The following GABRG3 variants were observed in gnomAD, a reference collection of about 807,000 sequenced individuals.
GABRG3 encodes the protein gamma-aminobutyric acid type A receptor subunit gamma3, also known as gamma-aminobutyric acid receptor subunit gamma-3.
Under a neutral mutation model 48.8 loss-of-function variants are expected in GABRG3, and 25 were observed. That is an observed-to-expected ratio of 0.51 (90% CI 0.37 to 0.72). The LOEUF (loss-of-function observed/expected upper bound fraction) is 0.72. Ranked by LOEUF, GABRG3 falls within the 30% of genes least tolerant of loss-of-function variation. The pLI is 0.00. For synonymous variants in GABRG3, 227 were observed against 217.6 expected (o/e 1.04, Z -0.38); for missense variants, 394 against 577.9 (o/e 0.68, Z 3.26).
chr15:26,986,859 A>G (rs1238894319), intron 2 of GABRG3, among the ~76,000 whole-genome samples: 3 of 152,176 alleles, frequency 2.0e-5, no homozygotes, highest in African/African-American at 7.2e-5. Flanking sequence ...TTTGAGTGAG[A>G]AAAGATCTGG....
chr15:27,476,001 A>G (rs994006500), intron 5 of GABRG3, among the ~76,000 whole-genome samples: 3 of 152,204 alleles, frequency 2.0e-5, no homozygotes, highest in Non-Finnish European at 4.4e-5. Flanking sequence ...TGACCACTAC[A>G]TTATAATGAA....
At chr15:27,378,922 G>A (rs556491443) in intron 5 of GABRG3, among the ~76,000 whole-genome samples, 22 of 147,292 alleles carry the variant, frequency 1.5e-4, no homozygotes, top group Non-Finnish European at 2.8e-4. Context: ...GCCCTCAGCG[G>A]AAAGAACAAA....
chr15:27,435,143 C>A (rs546253437), intron 5 of GABRG3, among the ~76,000 whole-genome samples: 8 of 151,484 alleles, frequency 5.3e-5, no homozygotes, highest in South Asian at 2.1e-4. Context: ...TCTTCCCCAT[C>A]ACCCTATATA....
At chr15:27,132,489 T>G (rs1010199124) in intron 3 of GABRG3, among the ~76,000 whole-genome samples, 2 of 147,184 alleles carry the variant, frequency 1.4e-5, no homozygotes, top group Non-Finnish European at 3.0e-5. Flanking sequence ...TTTTTTTTTT[T>G]TTTTTTTTTT....
chr15:27,164,399 A>G (rs779110950), intron 3 of GABRG3, among the ~76,000 whole-genome samples: 2 of 152,232 alleles, frequency 1.3e-5, no homozygotes, highest in Non-Finnish European at 2.9e-5. Context: ...CAAAAATACT[A>G]CTACCCCTAA....
rs1189224237 is a variant in GABRG3 at position 26,975,328 on chromosome 15, A to C, written c.54-1674A>C. On this transcript the variant is annotated intron_variant, in intron 1 of 9. Coordinates refer to ENST00000615808, the MANE Select transcript of GABRG3 (RefSeq NM_033223.5). This position sits in a 1 kb window ranked among gnomAD's most constrained non-coding sequence, Gnocchi z 4.6. ...TATCGATCGTGAATATCCAATGTGC[A>C]TAAAAATCAACAGCAATTTATAGTT... Among the ~76,000 whole-genome samples, 1 of 152,244 alleles carries C rather than the reference A, an allele frequency of 6.6e-6. No homozygotes were observed. Among genetic ancestry groups the C allele is most frequent in the Non-Finnish European group, 1.5e-5 (1 of 68,044 alleles).
chr15:27,271,464 C>T (rs954459471), intron 3 of GABRG3: 8 of 440,968 alleles, frequency 1.8e-5, no homozygotes, highest in Admixed American at 9.8e-5. Flanking sequence ...ACCACGCCCT[C>T]GGAGCTCAGG....
chr15:27,171,455 A>G (rs939340615), intron 3 of GABRG3, among the ~76,000 whole-genome samples: 2 of 151,460 alleles, frequency 1.3e-5, no homozygotes, highest in Non-Finnish European at 2.9e-5. Flanking sequence ...TTCCCAAGAC[A>G]TATGCCATGC....
intron 6 of GABRG3, among the ~76,000 whole-genome samples, chr15:27,517,773 T>G (rs537850303): frequency 6.3e-4 from 96 of 152,324 alleles, no homozygotes; most frequent in African/African-American, 1.6e-3. Flanking sequence ...TCAAATCACA[T>G]TTCCTTAGGA....
intron 3 of GABRG3, among the ~76,000 whole-genome samples, chr15:27,309,591 G>A (rs1466695617): frequency 1.3e-5 from 2 of 151,912 alleles, no homozygotes; most frequent in African/African-American, 4.8e-5. Context: ...TAGCTGTTAG[G>A]GAAATGCAAA....
At chr15:27,085,087 A>G (rs1410697894) in intron 3 of GABRG3, among the ~76,000 whole-genome samples, 1 of 152,226 alleles carries the variant, frequency 6.6e-6, no homozygotes, top group Non-Finnish European at 1.5e-5. Context: ...TGTTTGAATG[A>G]GAGTATCATG....
intron 5 of GABRG3, among the ~76,000 whole-genome samples, chr15:27,442,950 G>A (rs1301566254): frequency 1.3e-5 from 2 of 152,190 alleles, no homozygotes; most frequent in African/African-American, 4.8e-5. Context: ...TCAGAGCGGG[G>A]ACAGGGCCCT....
chr15:27,395,764 G>C (rs952981206), intron 5 of GABRG3, among the ~76,000 whole-genome samples: 8 of 152,156 alleles, frequency 5.3e-5, no homozygotes, highest in Non-Finnish European at 1.2e-4. Context: ...TAATTCTAGA[G>C]GAAAATATGG....
At chr15:27,511,963 A>G (rs114237548) in intron 6 of GABRG3, among the ~76,000 whole-genome samples, 2,661 of 152,308 alleles carry the variant, frequency 0.017, 66 homozygotes, top group African/African-American at 0.059. Context: ...AGGGAGCAAG[A>G]TCAAGTGTGT....
At chr15:27,064,433 C>G (rs142993261) in intron 3 of GABRG3, among the ~76,000 whole-genome samples, 2 of 152,156 alleles carry the variant, frequency 1.3e-5, no homozygotes, top group Non-Finnish European at 2.9e-5. Context: ...GAATCTCACC[C>G]GTTCTCAGGA....
At chr15:27,033,962 A>G (rs1306381255) in intron 3 of GABRG3, among the ~76,000 whole-genome samples, 1 of 152,166 alleles carries the variant, frequency 6.6e-6, no homozygotes, top group Non-Finnish European at 1.5e-5. Flanking sequence ...AGGAATTGGC[A>G]TTACTGGCAA....
rs538988300 is a variant in GABRG3, at chr15:27,003,713, G to T, written c.203-23041G>T. ...TCCACAAAACCGCCATTGTCATCATGGCCCGTTCTCAATGAGCTGTTGGGT... is the reference window on the plus strand; with the variant it reads ...TCCACAAAACCGCCATTGTCATCATTGCCCGTTCTCAATGAGCTGTTGGGT... On this transcript the variant is annotated intron_variant, in intron 2 of 9. Transcript: ENST00000615808. Among the ~76,000 whole-genome samples, 7 of 152,222 alleles carry T rather than the reference G, an allele frequency of 4.6e-5. No homozygotes were observed. In the South Asian group the frequency reaches 8.3e-4, roughly 18 times the overall value.
chr15:27,001,088 T>C (rs1895438370), intron 2 of GABRG3, among the ~76,000 whole-genome samples: 1 of 152,226 alleles, frequency 6.6e-6, no homozygotes, highest in Admixed American at 6.5e-5. Context: ...TAGAAACTCT[T>C]TCAAGGCCCT....
intron 5 of GABRG3, among the ~76,000 whole-genome samples, chr15:27,429,378 C>T (rs1010730252): frequency 6.6e-6 from 1 of 152,112 alleles, no homozygotes; most frequent in Non-Finnish European, 1.5e-5. Flanking sequence ...CTCTAAGTCT[C>T]CCATAACCTG....
Sources: gnomAD v4.1 joint callset for allele counts (sites outside exome capture counted in the v4.1 genomes callset) on GRCh38, gnomAD v4.1.1 for gene constraint, Gnocchi (gnomAD v3.1) non-coding constraint, MANE v1.5 for transcripts, NCBI Gene and HGNC (gene_info 2026-07-23, HGNC 2026-07-21) for gene names.